The following FGF14 variants were observed in gnomAD, a reference collection of about 807,000 sequenced individuals.
FGF14 encodes the protein fibroblast growth factor homologous factor 4.
In FGF14, 5 loss-of-function variants were observed where a neutral mutation model predicts 25.5. The ratio of observed to expected loss-of-function variants is 0.20; its 90% CI spans 0.10 to 0.41. The LOEUF (loss-of-function observed/expected upper bound fraction) is 0.41. FGF14 is among the 10% of genes least tolerant of loss of function. The probability of loss-of-function intolerance (pLI) is 1.00; values close to 1 mark genes in which losing one functional copy is unlikely to be tolerated. For missense variants in FGF14, 222 were observed against 320.1 expected (o/e 0.69, Z 2.34); for synonymous variants, 138 against 118.3 (o/e 1.17, Z -1.08).
chr13:102,333,705 G>A (rs937164091), intron 1 of FGF14, among the ~76,000 whole-genome samples: 4 of 152,140 alleles, frequency 2.6e-5, no homozygotes, highest in Admixed American at 6.6e-5. Flanking sequence ...GTCTAGGAGT[G>A]AATAAACAAT....
chr13:101,960,076 A>C (rs2139450870), intron 1 of FGF14, among the ~76,000 whole-genome samples: 1 of 152,356 alleles, frequency 6.6e-6, no homozygotes, highest in South Asian at 2.1e-4. Flanking sequence ...GTTGACTAAC[A>C]CAAATCAGTT....
chr13:102,360,615 T>C (rs2057537858), intron 1 of FGF14, among the ~76,000 whole-genome samples: 1 of 152,192 alleles, frequency 6.6e-6, no homozygotes. Flanking sequence ...AATTAGAGTT[T>C]ACATAAATCA....
intron 3 of FGF14, among the ~76,000 whole-genome samples, chr13:101,753,396 A>C (rs115757429): frequency 3.9e-5 from 6 of 152,188 alleles, no homozygotes; most frequent in African/African-American, 9.6e-5. Context: ...TTCTCAACTT[A>C]AAGTCTTAAA....
intron 1 of FGF14, among the ~76,000 whole-genome samples, chr13:102,145,158 T>C (rs560012082): frequency 2.8e-4 from 43 of 152,312 alleles, no homozygotes; most frequent in Non-Finnish European, 5.0e-4. Flanking sequence ...ATATGAATCC[T>C]CCATTTGGAG....
chr13:101,951,470 C>A (rs1009593836), intron 1 of FGF14, among the ~76,000 whole-genome samples: 10 of 151,786 alleles, frequency 6.6e-5, no homozygotes, highest in African/African-American at 2.4e-4. Context: ...TATTAAGAAG[C>A]AAGTCATTGA....
intron 1 of FGF14, among the ~76,000 whole-genome samples, chr13:102,278,894 T>C (rs1010767084): frequency 6.6e-6 from 1 of 152,142 alleles, no homozygotes; most frequent in Non-Finnish European, 1.5e-5. Flanking sequence ...AGTGACCTTG[T>C]ACAAAAGTGC....
At chr13:101,826,046 T>C (rs1261628943) in intron 3 of FGF14, among the ~76,000 whole-genome samples, 1 of 152,168 alleles carries the variant, frequency 6.6e-6, no homozygotes, top group Non-Finnish European at 1.5e-5. Flanking sequence ...ATAATTCAGT[T>C]TATATACAAA....
At chr13:102,260,131 GA>G (rs1213173721) in intron 1 of FGF14, among the ~76,000 whole-genome samples, 1 of 151,996 alleles carries the variant, frequency 6.6e-6, no homozygotes, top group Non-Finnish European at 1.5e-5. Context: ...GAAGAGAGAA[GA>G]AAAAAAGAAG....
At chr13:102,043,058 G>A (rs1301119496) in intron 1 of FGF14, among the ~76,000 whole-genome samples, 1 of 152,190 alleles carries the variant, frequency 6.6e-6, no homozygotes, top group Non-Finnish European at 1.5e-5. Flanking sequence ...ACAGGGTCAG[G>A]ACCATATTTA....
intron 1 of FGF14, among the ~76,000 whole-genome samples, chr13:101,968,448 C>A (rs542994111): frequency 6.6e-6 from 1 of 151,662 alleles, no homozygotes; most frequent in African/African-American, 2.4e-5. Context: ...CCGAGGCAGG[C>A]GGATCATGAG....
intron 1 of FGF14, among the ~76,000 whole-genome samples, chr13:102,011,529 A>T (rs1246831830): frequency 5.3e-5 from 8 of 151,904 alleles, no homozygotes; most frequent in Admixed American, 5.3e-4. Context: ...CATAGAGAGC[A>T]GCTCAGACAA....
intron 3 of FGF14, among the ~76,000 whole-genome samples, chr13:101,799,547 C>T (rs1007644505): frequency 6.6e-5 from 10 of 152,000 alleles, no homozygotes; most frequent in Admixed American, 3.9e-4. Flanking sequence ...TTAAATAATG[C>T]GTGGCAATGA....
Position 101,916,539 on chromosome 13 carries a change from T to TTCTTGCTGGGGCTGCTCCGCC in FGF14, c.86_106dup (p.Arg29_Lys35dup). ...CAGGTTGCCGTTGCAGAGCCCGCGG[T>TTCTTGCTGGGGCTGCTCCGCC]TCTTGCTGGGGCTGCTCCGCCTCCT... On this transcript the variant is annotated inframe_insertion, in exon 1 of 5. Coordinates refer to ENST00000376143, the MANE Select transcript of FGF14 (RefSeq NM_004115.4). The TTCTTGCTGGGGCTGCTCCGCC allele has an allele frequency of 6.2e-7, 1 of 1,613,620 alleles. No homozygotes were observed. Among genetic ancestry groups the TTCTTGCTGGGGCTGCTCCGCC allele is most frequent in the Non-Finnish European group, 8.5e-7 (1 of 1,179,904 alleles).
At chr13:101,892,864 G>A (rs1302994817) in intron 1 of FGF14, among the ~76,000 whole-genome samples, 4 of 152,164 alleles carry the variant, frequency 2.6e-5, no homozygotes, top group Non-Finnish European at 5.9e-5. Context: ...ACGGAATGAG[G>A]ATGGAAAAGA....
chr13:102,310,469 A>C (rs1156625963), intron 1 of FGF14, among the ~76,000 whole-genome samples: 1 of 152,142 alleles, frequency 6.6e-6, no homozygotes, highest in African/African-American at 2.4e-5. Context: ...AAGAGAACTT[A>C]CTTTTTGAAA....
At chr13:101,736,066 G>C (rs532363087) in intron 3 of FGF14, among the ~76,000 whole-genome samples, 18 of 152,278 alleles carry the variant, frequency 1.2e-4, no homozygotes, top group African/African-American at 3.8e-4. Context: ...CATCAAAGTA[G>C]AGATTAGTGA....
intron 1 of FGF14, among the ~76,000 whole-genome samples, chr13:102,248,251 T>A (rs2051985471): frequency 6.6e-6 from 1 of 152,146 alleles, no homozygotes; most frequent in Admixed American, 6.6e-5. Context: ...AATAAAAGTT[T>A]TTTTAAAAGT....
intron 1 of FGF14, among the ~76,000 whole-genome samples, chr13:102,136,845 T>C (rs1232693131): frequency 6.6e-6 from 1 of 152,140 alleles, no homozygotes; most frequent in East Asian, 1.9e-4. Flanking sequence ...GTATGCCAGA[T>C]AAAAAGAAAA....
Position 101,717,289 on chromosome 13 carries a change from A to C in FGF14, c.*5542T>G, listed in dbSNP as rs1393788956. The C allele has an allele frequency of 6.6e-6, 1 of 152,166 alleles. No individual in the cohort carries two copies. Among genetic ancestry groups the C allele is most frequent in the African/African-American group, 2.4e-5 (1 of 41,452 alleles). The allele number at this position is 152,166 out of a possible 1,614,324, so 9.4% of individuals were successfully genotyped here. A position where few individuals can be genotyped will look rare whatever the true frequency, so the allele number is the denominator to read the frequency against. ...TTATAGTACTAACAATGTTCTCATAATGTAATAGATTTATAAAAATTGTTA... is the reference window on the plus strand; with the variant it reads ...TTATAGTACTAACAATGTTCTCATACTGTAATAGATTTATAAAAATTGTTA... On this transcript the variant is annotated 3_prime_UTR_variant, in exon 5 of 5. Transcript: ENST00000376143.
Sources: gnomAD v4.1 joint callset for allele counts (sites outside exome capture counted in the v4.1 genomes callset) on GRCh38, gnomAD v4.1.1 for gene constraint, MANE v1.5 for transcripts, NCBI Gene and HGNC (gene_info 2026-07-23, HGNC 2026-07-21) for gene names.